DNAAF9: variants seen among roughly 807,000 people sequenced by gnomAD.
DNAAF9 encodes dynein axonemal assembly factor 9.
DNAAF9 carries 90 observed loss-of-function variants against 167.0 expected under a neutral mutation model. That is an observed-to-expected ratio of 0.54 (90% CI 0.45 to 0.64). The LOEUF (loss-of-function observed/expected upper bound fraction) is 0.64. Ranked by LOEUF, DNAAF9 falls within the 30% of genes least tolerant of loss-of-function variation. The pLI is 0.00. For synonymous variants in DNAAF9, 491 were observed against 508.8 expected (o/e 0.96, Z 0.47); for missense variants, 1,315 against 1,442.2 (o/e 0.91, Z 1.43).
At chr20:3,291,405 G>A (rs1426227110) in intron 25 of DNAAF9, among the ~76,000 whole-genome samples, 14 of 149,594 alleles carry the variant, frequency 9.4e-5, no homozygotes, top group African/African-American at 3.5e-4. Context: ...GTGCAGTGGT[G>A]CAATCTCGGC....
At chr20:3,407,406 G>A (rs2084078044) in intron 1 of DNAAF9, 69 bp downstream of exon 1, 1 of 1,181,676 alleles carries the variant, frequency 8.5e-7, no homozygotes, top group Non-Finnish European at 1.1e-6. Context: ...TGCGGCGGGA[G>A]GCGTCGCCGG....
In DNAAF9 at chr20:3,349,192, C is replaced by CAAAAAAAAA. The variant is rs148023287; in HGVS notation, c.691-578_691-570dup. 2.5e-3 allele frequency among the ~76,000 whole-genome samples: 99 copies of CAAAAAAAAA among 39,078 alleles called. 14 individuals are homozygous for CAAAAAAAAA. Among genetic ancestry groups the CAAAAAAAAA allele is most frequent in the African/African-American group, 5.5e-3 (44 of 8,040 alleles). 25.6% of individuals were successfully genotyped at this position (39,078 alleles called of 152,430 possible). A position where few individuals can be genotyped will look rare whatever the true frequency, so the allele number is the denominator to read the frequency against. On this transcript the variant is annotated intron_variant, in intron 7 of 36. Coordinates refer to ENST00000252032, the MANE Select transcript of DNAAF9 (RefSeq NM_001009984.3). ...CAACATGATGAGACCTCGTCTCTAC[C>CAAAAAAAAA]AAAAAAAAAAACAAAAAAAAAAAAA...
intron 10 of DNAAF9, among the ~76,000 whole-genome samples, chr20:3,336,579 C>A (rs1014376395): frequency 6.6e-6 from 1 of 152,030 alleles, no homozygotes; most frequent in Non-Finnish European, 1.5e-5. Context: ...GATGGAGTTT[C>A]GCTCTTCTCT....
At chr20:3,318,933 A>G (rs2123040495) in intron 16 of DNAAF9, among the ~76,000 whole-genome samples, 1 of 151,900 alleles carries the variant, frequency 6.6e-6, no homozygotes, top group Middle Eastern at 3.4e-3. Context: ...ACAAAAAAAA[A>G]TTAGCCAGGC....
intron 26 of DNAAF9, among the ~76,000 whole-genome samples, chr20:3,289,885 A>G (rs1467367527): frequency 6.6e-6 from 1 of 152,108 alleles, no homozygotes; most frequent in African/African-American, 2.4e-5. Context: ...TGTCTTACCA[A>G]ACTAGAATGT....
chr20:3,282,791 A>C (rs911782376), intron 27 of DNAAF9, among the ~76,000 whole-genome samples: 3 of 151,880 alleles, frequency 2.0e-5, no homozygotes, highest in African/African-American at 7.3e-5. Context: ...TCTTTTCCTC[A>C]GGTATCTGCA....
At chr20:3,277,627 C>CCA (rs558444468) in intron 29 of DNAAF9, among the ~76,000 whole-genome samples, 20 of 152,068 alleles carry the variant, frequency 1.3e-4, no homozygotes, top group African/African-American at 4.6e-4. Flanking sequence ...AACACATGCC[C>CCA]CACATCTAGT....
At position 3,250,297 on chromosome 20, in the gene DNAAF9, C is replaced by G. The variant is rs1233509176; in HGVS notation, c.*2275G>C. On this transcript the variant is annotated 3_prime_UTR_variant, in exon 37 of 37. Coordinates refer to ENST00000252032, the MANE Select transcript of DNAAF9 (RefSeq NM_001009984.3). ...ACAGAACAGAGAGGCCTGGCAGGTT[C>G]CAGGAGGCATCCCCTGGCCTCAGTC... The G allele has an allele frequency of 2.0e-5, 3 of 152,354 alleles. No homozygotes were observed. In the East Asian group the frequency reaches 5.8e-4, roughly 29 times the overall value. 9.4% of individuals were successfully genotyped at this position (152,354 alleles called of 1,614,324 possible).
In DNAAF9 at chr20:3,291,708, A is replaced by C. The variant is rs188085345; in HGVS notation, c.2239-1491T>G. On this transcript the variant is annotated intron_variant, in intron 25 of 36. Transcript: ENST00000252032. ...GGCCCAGTCACAAATAACTTATGCT[A>C]AAGCTAAGCCTGGAAGCACTCATCA... Among the ~76,000 whole-genome samples, 16 of 152,294 alleles carry C rather than the reference A, an allele frequency of 1.1e-4. No individual in the cohort carries two copies. The East Asian group carries it at 2.9e-3, about 28-fold the overall frequency.
intron 1 of DNAAF9, among the ~76,000 whole-genome samples, 186 bp downstream of exon 1, chr20:3,407,289 G>C (rs1325589617): frequency 2.0e-5 from 3 of 152,220 alleles, no homozygotes; most frequent in Non-Finnish European, 4.4e-5. Flanking sequence ...GTTGTCCAAA[G>C]GGGAGCCATT....
At chr20:3,300,923 A>G (rs986787143) in intron 21 of DNAAF9, among the ~76,000 whole-genome samples, 2 of 151,318 alleles carry the variant, frequency 1.3e-5, no homozygotes, top group African/African-American at 4.9e-5. Flanking sequence ...AAAAAAAATT[A>G]TAAAAATACA....
chr20:3,287,587 T>C, intron 27 of DNAAF9, 45 bp downstream of exon 27: 2 of 1,586,782 alleles, frequency 1.3e-6, no homozygotes, highest in Non-Finnish European at 1.7e-6. Flanking sequence ...AATGGCAAGG[T>C]CATCACCCTG....
intron 12 of DNAAF9, 55 bp downstream of exon 12, chr20:3,330,591 G>T: frequency 9.3e-7 from 1 of 1,071,372 alleles, no homozygotes; most frequent in Non-Finnish European, 1.4e-6. Context: ...ACACAGGACA[G>T]TCACAACTGA....
At chr20:3,292,369 G>A (rs574117989) in intron 25 of DNAAF9, among the ~76,000 whole-genome samples, 26 of 152,190 alleles carry the variant, frequency 1.7e-4, no homozygotes, top group African/African-American at 6.0e-4. Flanking sequence ...CTTGCCTAAG[G>A]GAAAAAATGA....
At chr20:3,354,432 C>T (rs994909659) in intron 7 of DNAAF9, among the ~76,000 whole-genome samples, 2 of 152,246 alleles carry the variant, frequency 1.3e-5, no homozygotes, top group Non-Finnish European at 2.9e-5. Flanking sequence ...GAACTTCAAA[C>T]AGAACTCCTG....
chr20:3,380,447 G>C (rs1385061739), intron 3 of DNAAF9, among the ~76,000 whole-genome samples: 1 of 152,150 alleles, frequency 6.6e-6, no homozygotes, highest in South Asian at 2.1e-4. Context: ...TGACAGTTTA[G>C]ATCAGTGAAT....
intron 27 of DNAAF9, among the ~76,000 whole-genome samples, chr20:3,285,933 T>C (rs980943550): frequency 5.3e-5 from 8 of 151,264 alleles, no homozygotes; most frequent in South Asian, 2.1e-4. Flanking sequence ...TGAGCTGAGA[T>C]TGCACCACTG....
At chr20:3,343,852 T>TGTGTGTGC in intron 8 of DNAAF9, 121 bp from the exon 9 acceptor site, 2 of 649,980 alleles carry the variant, frequency 3.1e-6, no homozygotes, top group Non-Finnish European at 5.4e-6. Context: ...TGTGTGTGTG[T>TGTGTGTGC]GTGTGTGCGT....
chr20:3,315,719 TA>T lies in DNAAF9; in HGVS notation c.1590+15del, dbSNP rs775275032. ...TTTGATATAATGTTCACACTGAGAATAAGAAGGCTGCTTACCCTCACTGCTT... is the reference window on the plus strand; with the variant it reads ...TTTGATATAATGTTCACACTGAGAATAGAAGGCTGCTTACCCTCACTGCTT... On this transcript the variant is annotated intron_variant, in intron 19 of 36. Transcript: ENST00000252032. This position sits in a 1 kb window ranked among gnomAD's most constrained non-coding sequence, Gnocchi z 4.1. 1 of 1,600,086 alleles carries T rather than the reference TA, an allele frequency of 6.2e-7. No homozygotes were observed. The highest frequency in any genetic ancestry group is 2.2e-5 in the East Asian group (1 of 44,818).
Sources: gnomAD v4.1 joint callset for allele counts (sites outside exome capture counted in the v4.1 genomes callset) on GRCh38, gnomAD v4.1.1 for gene constraint, Gnocchi (gnomAD v3.1) non-coding constraint, MANE v1.5 for transcripts, NCBI Gene and HGNC (gene_info 2026-07-23, HGNC 2026-07-21) for gene names.